The following POLR1G variants were observed in gnomAD, a reference collection of about 807,000 sequenced individuals.
The protein encoded by POLR1G is DNA-directed RNA polymerase I subunit RPA34.
In POLR1G, 9 loss-of-function variants were observed where a neutral mutation model predicts 6.3. That is an observed-to-expected ratio of 1.44 (90% CI 0.87 to 2.51). POLR1G has a LOEUF of 2.51. POLR1G is among the 30% of genes most tolerant of loss of function. The pLI, the probability that POLR1G is intolerant of heterozygous loss-of-function variation, is 0.00. For missense variants in POLR1G, 617 were observed against 632.5 expected, an observed-to-expected ratio of 0.98 and a Z score of 0.26; for synonymous variants, 248 against 256.5, an observed-to-expected ratio of 0.97 and a Z score of 0.32.
Position 45,408,424 on chromosome 19 carries a change from T to C in POLR1G, c.456T>C (p.Phe152=), listed in dbSNP as rs1973481206. 1.9e-6 allele frequency: 3 copies of C among 1,613,544 alleles called. No individual in the cohort carries two copies. Among genetic ancestry groups the C allele is most frequent in the Non-Finnish European group, 2.5e-6 (3 of 1,179,826 alleles). ...PPGLRPRFCA[F]GGNPPVTGPR... Reference sequence around the variant, plus strand: ...GCCTGAGGCCTCGGTTCTGTGCCTTTGGGGGCAACCCACCAGTCACAGGGC... The same window carrying C: ...GCCTGAGGCCTCGGTTCTGTGCCTTCGGGGGCAACCCACCAGTCACAGGGC... The change falls in exon 3 of 3, where the codon TTT becomes TTC. Residue 152 remains phenylalanine (F), a synonymous_variant. Transcript: ENST00000309424.
Position 45,408,985 on chromosome 19 carries a change from G to A in POLR1G, c.1017G>A (p.Met339Ile). 1 of 1,614,112 alleles carries A rather than the reference G, an allele frequency of 6.2e-7. No individual in the cohort carries two copies. The highest frequency in any genetic ancestry group is 8.5e-7 in the Non-Finnish European group (1 of 1,180,026). Residue 339 changes from methionine (M) to isoleucine (I), a missense_variant, in exon 3 of 3, where the codon ATG (methionine) becomes ATA (isoleucine). By Grantham distance (10) the Met-to-Ile change is conservative (BLOSUM62 1). Coordinates refer to ENST00000309424, the MANE Select transcript of POLR1G (RefSeq NM_012099.3). ...KRKKEKGQMA[M>I]MEPGTEAMEP... is the part of the protein sequence containing the mutation. ...AAAAAGAAAAGGGACAGATGGCAAT[G>A]ATGGAGCCAGGGACGGAGGCGATGG...
At position 45,410,701 on chromosome 19, in the gene POLR1G, T is replaced by C. The variant is rs1459280246; in HGVS notation, c.*1200T>C. 1.3e-5 allele frequency: 2 copies of C among 152,098 alleles called. No individual in the cohort carries two copies. The highest frequency in any genetic ancestry group is 4.8e-5 in the African/African-American group (2 of 41,398). 9.4% of individuals were successfully genotyped at this position (152,098 alleles called of 1,614,324 possible). ...ATCTCCATGAGTTCAATTGTTTTGA[T>C]TTTTAGATACACAAATAAATAAGAA... On this transcript the variant is annotated 3_prime_UTR_variant, in exon 3 of 3. Transcript: ENST00000309424.
In POLR1G at chr19:45,408,815, G is replaced by A; in HGVS notation, c.847G>A (p.Val283Ile). 2 of 1,614,072 alleles carry A rather than the reference G, an allele frequency of 1.2e-6. No homozygotes were observed. The highest frequency in any genetic ancestry group is 1.7e-6 in the Non-Finnish European group (2 of 1,180,030). ...QINTEPLEDT[V>I]LSPTKKRKRQ... is the part of the protein sequence containing the mutation. Reference sequence around the variant, plus strand: ...TAACACTGAGCCTCTAGAAGACACAGTCCTGTCCCCGACCAAAAAGAGAAA... The same window carrying A: ...TAACACTGAGCCTCTAGAAGACACAATCCTGTCCCCGACCAAAAAGAGAAA... Residue 283 changes from valine (V) to isoleucine (I), a missense_variant, in exon 3 of 3, where the codon GTC (valine) becomes ATC (isoleucine). Val to Ile is a conservative substitution (Grantham distance 29). Transcript: ENST00000309424.
Position 45,407,146 on chromosome 19 carries a change from A to T in POLR1G, c.75A>T (p.Ser25=). Residue 25 remains serine (S), a synonymous_variant, in exon 2 of 3, where the codon TCA becomes TCT. Transcript: ENST00000309424. ...ACTTTACCGCGAAGCCCCCAGCCTCAGAGTCCCCTCGTTTCTCCTTGGAGG... is the reference window on the plus strand; with the variant it reads ...ACTTTACCGCGAAGCCCCCAGCCTCTGAGTCCCCTCGTTTCTCCTTGGAGG... The part of the protein sequence containing the change: ...PPNFTAKPPA[S]ESPRFSLEAL... 2 of 1,612,386 alleles carry T rather than the reference A, an allele frequency of 1.2e-6. No homozygotes were observed. Among genetic ancestry groups the T allele is most frequent in the Non-Finnish European group, 1.7e-6 (2 of 1,179,630 alleles).
chr19:45,409,512 G>C lies in POLR1G; in HGVS notation c.*11G>C, dbSNP rs1358283996. The C allele has an allele frequency of 6.3e-7, 1 of 1,593,782 alleles. No individual in the cohort carries two copies. Among genetic ancestry groups the C allele is most frequent in the South Asian group, 1.1e-5 (1 of 88,906 alleles). Reference sequence around the variant, plus strand: ...CAGCAGCCTGTGTAGTCTGCCCCCGGGAAACTGAGGAACTAAAGAAAGCTG... The same window carrying C: ...CAGCAGCCTGTGTAGTCTGCCCCCGCGAAACTGAGGAACTAAAGAAAGCTG... On this transcript the variant is annotated 3_prime_UTR_variant, in exon 3 of 3. Coordinates refer to ENST00000309424, the MANE Select transcript of POLR1G (RefSeq NM_012099.3).
intron 2 of POLR1G, 103 bp downstream of exon 2, chr19:45,407,338 G>A: frequency 8.7e-7 from 1 of 1,150,664 alleles, no homozygotes; most frequent in Non-Finnish European, 1.2e-6. Context: ...ACAGAGCACA[G>A]TGAAAGAAAC....
In POLR1G at chr19:45,409,682, A is replaced by T. The variant is rs199908411; in HGVS notation, c.*181A>T. On this transcript the variant is annotated 3_prime_UTR_variant, in exon 3 of 3. Transcript: ENST00000309424. ...CCTTGGCAGCTGGGGTCATCAGGGTACTTTCAAGAAGGGCTCGTGCAGGAC... is the reference window on the plus strand; with the variant it reads ...CCTTGGCAGCTGGGGTCATCAGGGTTCTTTCAAGAAGGGCTCGTGCAGGAC... 1 of 1,134,056 alleles carries T rather than the reference A, an allele frequency of 8.8e-7. No homozygotes were observed. Among genetic ancestry groups the T allele is most frequent in the East Asian group, 2.3e-5 (1 of 42,700 alleles). The allele number at this position is 1,134,056 out of a possible 1,614,324, so 70.2% of individuals were successfully genotyped here.
rs769657381 is a variant in POLR1G, at chr19:45,408,209, C to G, written c.241C>G (p.Arg81Gly). ...GKLAGKRHRY[R>G]VLSSCPQAGE... The stretch of plus-strand genomic sequence containing the variant: ...ATTGGCAGGCAAGCGGCACCGCTAT[C>G]GAGTCCTCAGCAGCTGTCCCCAAGC... Residue 81 changes from arginine to glycine, a missense_variant, in exon 3 of 3, where the codon CGA becomes GGA. Coordinates refer to ENST00000309424, the MANE Select transcript of POLR1G (RefSeq NM_012099.3). The G allele has an allele frequency of 1.2e-6, 2 of 1,613,958 alleles. No homozygotes were observed. Among genetic ancestry groups the G allele is most frequent in the African/African-American group, 1.3e-5 (1 of 74,942 alleles).
intron 2 of POLR1G, 178 bp downstream of exon 2, chr19:45,407,413 C>CA: frequency 1.7e-6 from 1 of 591,572 alleles, no homozygotes; most frequent in Non-Finnish European, 2.9e-6. Context: ...GAGAAACCCA[C>CA]AGCCCTTTGT....
rs1568573194 is a variant in POLR1G, at chr19:45,409,898, T to TTA, written c.*398_*399insAT. 23 of 188,954 alleles carry TTA rather than the reference T, an allele frequency of 1.2e-4. No homozygotes were observed. The highest frequency in any genetic ancestry group is 6.9e-4 in the East Asian group (4 of 5,764). The allele number at this position is 188,954 out of a possible 1,614,324, so 11.7% of individuals were successfully genotyped here. ...TTAAGTTATTATTATTATTATTATT[T>TTA]TTTTTTTTTTTGAGATGGAGTCTCG... On this transcript the variant is annotated 3_prime_UTR_variant, in exon 3 of 3. Coordinates refer to ENST00000309424, the MANE Select transcript of POLR1G (RefSeq NM_012099.3).
Position 45,409,643 on chromosome 19 carries a change from T to TA in POLR1G, c.*143dup, listed in dbSNP as rs1245893313. Reference sequence around the variant, plus strand: ...CTGGCCTGGGAGGACGATTTATTATTACACTGGGGGTTTCCTTGGCAGCTG... The same window carrying TA: ...CTGGCCTGGGAGGACGATTTATTATTAACACTGGGGGTTTCCTTGGCAGCTG... On this transcript the variant is annotated 3_prime_UTR_variant, in exon 3 of 3. Coordinates refer to ENST00000309424, the MANE Select transcript of POLR1G (RefSeq NM_012099.3). 2.1e-5 allele frequency: 31 copies of TA among 1,461,254 alleles called. No individual in the cohort carries two copies. Among genetic ancestry groups the TA allele is most frequent in the Non-Finnish European group, 2.6e-5 (27 of 1,042,984 alleles). The allele number at this position is 1,461,254 out of a possible 1,614,324, so 90.5% of individuals were successfully genotyped here. A position where few individuals can be genotyped will look rare whatever the true frequency, so the allele number is the denominator to read the frequency against.
rs1973498154 is a variant in POLR1G at position 45,408,694 on chromosome 19, G to A, written c.726G>A (p.Leu242=). 6.2e-7 allele frequency: 1 copy of A among 1,613,852 alleles called. No homozygotes were observed. Among genetic ancestry groups the A allele is most frequent in the African/African-American group, 1.3e-5 (1 of 74,886 alleles). The change falls in exon 3 of 3, where the codon CTG becomes CTA. Residue 242 remains leucine (L), a synonymous_variant. Transcript: ENST00000309424. ...TEPTVETLEP[L]GVLFPSTTKK... is the part of the protein sequence containing the mutation. ...CCACAGTGGAGACACTGGAGCCTCT[G>A]GGAGTGCTGTTCCCGTCCACCACCA... is the stretch of plus-strand genomic sequence containing the variant.
At position 45,409,505 on chromosome 19, in the gene POLR1G, G is replaced by C; in HGVS notation, c.*4G>C. 1 of 1,601,038 alleles carries C rather than the reference G, an allele frequency of 6.2e-7. No homozygotes were observed. The highest frequency in any genetic ancestry group is 8.5e-7 in the Non-Finnish European group (1 of 1,174,610). On this transcript the variant is annotated 3_prime_UTR_variant, in exon 3 of 3. Coordinates refer to ENST00000309424, the MANE Select transcript of POLR1G (RefSeq NM_012099.3). ...GCAGCAGCAGCAGCCTGTGTAGTCT[G>C]CCCCCGGGAAACTGAGGAACTAAAG... is the stretch of plus-strand genomic sequence containing the variant.
rs1568570917 is a variant in POLR1G at position 45,409,048 on chromosome 19, A to G, written c.1080A>G (p.Pro360=). The part of the protein sequence containing the change: ...VEPEMKPLES[P]GGTMAPQQPE... ...CGGAGATGAAGCCTCTGGAGTCCCC[A>G]GGGGGGACCATGGCGCCTCAACAGC... The change falls in exon 3 of 3, where the codon CCA becomes CCG. Residue 360 remains proline (P), a synonymous_variant. Coordinates refer to ENST00000309424, the MANE Select transcript of POLR1G (RefSeq NM_012099.3). 6.2e-7 allele frequency: 1 copy of G among 1,613,718 alleles called. No individual in the cohort carries two copies. Among genetic ancestry groups the G allele is most frequent in the South Asian group, 1.1e-5 (1 of 91,062 alleles).
chr19:45,408,255 C>T lies in POLR1G; in HGVS notation c.287C>T (p.Ala96Val), dbSNP rs914419252. 12 of 1,613,966 alleles carry T rather than the reference C, an allele frequency of 7.4e-6. No individual in the cohort carries two copies. In the Admixed American group the frequency reaches 2.0e-4, roughly 27 times the overall value. ...CPQAGEATLL[A>V]PSTEAGGGLT... is the part of the protein sequence containing the mutation. ...CAAGCTGGAGAAGCGACCCTGCTGG[C>T]CCCCTCAACGGAGGCAGGAGGTGGA... Residue 96 changes from alanine to valine, a missense_variant, in exon 3 of 3, where the codon GCC (alanine) becomes GTC (valine). By Grantham distance (64) the Ala-to-Val change is moderately conservative (BLOSUM62 0). Transcript: ENST00000309424.
Position 45,410,596 on chromosome 19 carries a change from T to TGTGTGTGTGTGTGTGTGTGTGTGTGG in POLR1G, c.*1096_*1097insTGTGTGTGTGTGTGTGTGTGTGTGGG, listed in dbSNP as rs896460788. The stretch of plus-strand genomic sequence containing the variant: ...GTGTGTGTGTGTGTGTGTGTGTGTG[T>TGTGTGTGTGTGTGTGTGTGTGTGTGG]GGTACCCATTAACCTTCCCCATCTC... On this transcript the variant is annotated 3_prime_UTR_variant, in exon 3 of 3. Transcript: ENST00000309424. 6.6e-6 allele frequency: 1 copy of TGTGTGTGTGTGTGTGTGTGTGTGTGG among 151,610 alleles called. No homozygotes were observed. The highest frequency in any genetic ancestry group is 2.4e-5 in the African/African-American group (1 of 41,082). The allele number at this position is 151,610 out of a possible 1,614,324, so 9.4% of individuals were successfully genotyped here.
rs1474724281 is a variant in POLR1G at position 45,408,801 on chromosome 19, C to A, written c.833C>A (p.Pro278His). The A allele has an allele frequency of 5.0e-6, 8 of 1,613,816 alleles. No individual in the cohort carries two copies. Among genetic ancestry groups the A allele is most frequent in the Non-Finnish European group, 6.8e-6 (8 of 1,180,006 alleles). Residue 278 changes from proline (P) to histidine (H), a missense_variant, in exon 3 of 3, where the codon CCT becomes CAT. Coordinates refer to ENST00000309424, the MANE Select transcript of POLR1G (RefSeq NM_012099.3). ...TVKQEQINTE[P>H]LEDTVLSPTK... ...AAGCAGGAACAGATTAACACTGAGC[C>A]TCTAGAAGACACAGTCCTGTCCCCG...
rs1156804191 is a variant in POLR1G at position 45,410,543 on chromosome 19, G to C, written c.*1042G>C. On this transcript the variant is annotated 3_prime_UTR_variant, in exon 3 of 3. Transcript: ENST00000309424. ...AGTCACCTGGTTGTGTTATCAAATAGTATGTCTTATTCATTCTTTCTTTGT... is the reference window on the plus strand; with the variant it reads ...AGTCACCTGGTTGTGTTATCAAATACTATGTCTTATTCATTCTTTCTTTGT... The C allele has an allele frequency of 7.4e-6, 1 of 135,310 alleles. No individual in the cohort carries two copies. 8.4% of individuals were successfully genotyped at this position (135,310 alleles called of 1,614,324 possible).
In POLR1G at chr19:45,406,723, G is replaced by A. The variant is rs1244753707; in HGVS notation, c.22+5G>A. The A allele has an allele frequency of 1.3e-6, 2 of 1,529,522 alleles. No homozygotes were observed. The highest frequency in any genetic ancestry group is 5.1e-5 in the East Asian group (2 of 38,954). 94.7% of individuals were successfully genotyped at this position (1,529,522 alleles called of 1,614,324 possible). Reference sequence around the variant, plus strand: ...TGGAGGAGCCCCAGGCCGGCGGTGAGGGTGCGGGTTGACGGGGTGCGGAGG... The same window carrying A: ...TGGAGGAGCCCCAGGCCGGCGGTGAAGGTGCGGGTTGACGGGGTGCGGAGG... On this transcript the variant is annotated splice_donor_5th_base_variant and intron_variant, in intron 1 of 2. Transcript: ENST00000309424. This position sits in a 1 kb window ranked among gnomAD's most constrained non-coding sequence, Gnocchi z 4.2.
Sources: gnomAD v4.1 joint callset for allele counts on GRCh38, gnomAD v4.1.1 for gene constraint, Gnocchi (gnomAD v3.1) non-coding constraint, MANE v1.5 for transcripts, NCBI Gene and HGNC (gene_info 2026-07-23, HGNC 2026-07-21) for gene names.